Variants in PBX3 observed in about 807,000 individuals in gnomAD.
PBX3 encodes pre-B-cell leukemia transcription factor 3.
PBX3 carries 14 observed loss-of-function variants against 48.5 expected under a neutral mutation model. That is an observed-to-expected ratio of 0.29 (90% CI 0.19 to 0.45). The LOEUF (loss-of-function observed/expected upper bound fraction) is 0.45. Ranked by LOEUF, PBX3 falls within the 20% of genes least tolerant of loss-of-function variation. The pLI is 1.00. For missense variants in PBX3, 386 were observed against 546.7 expected (o/e 0.71, Z 2.93); for synonymous variants, 210 against 200.3 (o/e 1.05, Z -0.41).
chr9:125,965,303 C>T (rs188151503), intron 8 of PBX3, among the ~76,000 whole-genome samples: 2 of 152,280 alleles, frequency 1.3e-5, no homozygotes, highest in Non-Finnish European at 1.5e-5. Context: ...TGCTGCTCTG[C>T]GGCTCATGCA....
chr9:125,883,638 T>C (rs1001271637), intron 2 of PBX3, among the ~76,000 whole-genome samples: 1 of 152,068 alleles, frequency 6.6e-6, no homozygotes, highest in Non-Finnish European at 1.5e-5. Context: ...CCCAGTTGCA[T>C]GGTCATATGT....
chr9:125,748,476 C>G, intron 1 of PBX3, 74 bp from the exon 2 acceptor site: 4 of 1,568,206 alleles, frequency 2.6e-6, no homozygotes, highest in Non-Finnish European at 8.7e-7. Context: ...AATCTTGGGT[C>G]TAACTTAAAG....
chr9:125,954,603 T>C (rs1842262796), intron 5 of PBX3, among the ~76,000 whole-genome samples: 1 of 152,144 alleles, frequency 6.6e-6, no homozygotes. Context: ...TGGCGCAATC[T>C]TGGCTCACTG....
chr9:125,809,885 A>T (rs1838237017), intron 2 of PBX3, among the ~76,000 whole-genome samples: 1 of 152,208 alleles, frequency 6.6e-6, no homozygotes, highest in Admixed American at 6.5e-5. Flanking sequence ...TTGAATGGGA[A>T]AGAAAAGAAA....
intron 2 of PBX3, among the ~76,000 whole-genome samples, chr9:125,773,333 G>A (rs1350830480): frequency 6.6e-6 from 1 of 152,148 alleles, no homozygotes; most frequent in African/African-American, 2.4e-5. Context: ...GTATCTTTCA[G>A]ATCCTAGCCT....
chr9:125,963,142 G>A, intron 8 of PBX3, 41 bp downstream of exon 8: 1 of 1,091,384 alleles, frequency 9.2e-7, no homozygotes, highest in Non-Finnish European at 1.4e-6. Context: ...AACAGTGTCA[G>A]GTAAACAGTG....
chr9:125,946,663 T>C (rs933036351), intron 5 of PBX3, among the ~76,000 whole-genome samples: 5 of 152,068 alleles, frequency 3.3e-5, no homozygotes, highest in Non-Finnish European at 7.4e-5. Context: ...AAAATAATGA[T>C]ATTGAAGAAT....
intron 2 of PBX3, among the ~76,000 whole-genome samples, chr9:125,897,141 G>GT (rs371641194): frequency 0.49 from 53,602 of 108,608 alleles, 14,510 homozygotes; most frequent in Non-Finnish European, 0.6. Flanking sequence ...TTCATTTGTG[G>GT]TTTTTTTTTT....
At chr9:125,859,977 T>C (rs1839820129) in intron 2 of PBX3, among the ~76,000 whole-genome samples, 1 of 152,180 alleles carries the variant, frequency 6.6e-6, no homozygotes, top group East Asian at 1.9e-4. Flanking sequence ...ACTCAAATAA[T>C]TTTCTGTTGG....
intron 2 of PBX3, chr9:125,843,678 A>G: frequency 3.2e-5 from 11 of 348,858 alleles, no homozygotes; most frequent in South Asian, 2.3e-4. Context: ...AACTTTTAAA[A>G]ATAAGTAATG....
chr9:125,837,404 T>A (rs899804430), intron 2 of PBX3, among the ~76,000 whole-genome samples: 1 of 149,588 alleles, frequency 6.7e-6, no homozygotes, highest in African/African-American at 2.4e-5. Flanking sequence ...ATAATTTATT[T>A]TATATATATA....
At chr9:125,950,682 A>G (rs998264533) in intron 5 of PBX3, among the ~76,000 whole-genome samples, 1 of 152,062 alleles carries the variant, frequency 6.6e-6, no homozygotes, top group African/African-American at 2.4e-5. Flanking sequence ...GGGTTTCACC[A>G]TGTTGGCCAG....
rs530492135 is a variant in PBX3 at position 125,880,722 on chromosome 9, A to G, written c.275-34964A>G. On this transcript the variant is annotated intron_variant, in intron 2 of 8. Coordinates refer to ENST00000373489, the MANE Select transcript of PBX3 (RefSeq NM_006195.6). Reference sequence around the variant, plus strand: ...TTTGTGGTAATCATTTAAAAATCAAACGGTTATCTTTTAGAAAAAATTTTA... The same window carrying G: ...TTTGTGGTAATCATTTAAAAATCAAGCGGTTATCTTTTAGAAAAAATTTTA... 5.3e-5 allele frequency among the ~76,000 whole-genome samples: 8 copies of G among 152,292 alleles called. No individual in the cohort carries two copies. The East Asian group carries it at 1.5e-3, about 29-fold the overall frequency.
In PBX3 at chr9:125,929,742, A is replaced by G. The variant is rs1364028655; in HGVS notation, c.604A>G (p.Met202Val). The change falls in exon 4 of 9, where the codon ATG becomes GTG. Residue 202 changes from methionine to valine, a missense_variant. By Grantham distance (21) the Met-to-Val change is conservative (BLOSUM62 1). Transcript: ENST00000373489. ...RPISPKEIERMVGIIHRKFSS... is the reference protein window; with the variant it reads ...RPISPKEIERVVGIIHRKFSS... ...CATTTCTCCAAAAGAGATTGAAAGA[A>G]TGGTGGGCATCATCCATCGAAAATT... 1.9e-6 allele frequency: 3 copies of G among 1,613,758 alleles called. No individual in the cohort carries two copies. The highest frequency in any genetic ancestry group is 2.5e-6 in the Non-Finnish European group (3 of 1,179,806).
rs1839444793 is a variant in PBX3, at chr9:125,847,088, T to C, written c.275-68598T>C. Among the ~76,000 whole-genome samples the C allele has an allele frequency of 2.0e-5, 3 of 152,014 alleles. No homozygotes were observed. In the South Asian group the frequency reaches 6.2e-4, roughly 31 times the overall value. On this transcript the variant is annotated intron_variant, in intron 2 of 8. Coordinates refer to ENST00000373489, the MANE Select transcript of PBX3 (RefSeq NM_006195.6). ...GTAAAATTCAGGTTTAATTATTTAT[T>C]TTCCTGGAAGAATTGCTTCATAGGT... is the stretch of plus-strand genomic sequence containing the variant.
rs76622959 is a variant in PBX3 at position 125,916,924 on chromosome 9, T to A, written c.516+997T>A. On this transcript the variant is annotated intron_variant, in intron 3 of 8. Transcript: ENST00000373489. ...GATTGAACCCTATGAAATTGCTAAGTTTTGAGGCCAAAAACAGTTGAATAT... is the reference window on the plus strand; with the variant it reads ...GATTGAACCCTATGAAATTGCTAAGATTTGAGGCCAAAAACAGTTGAATAT... 7.1e-3 allele frequency among the ~76,000 whole-genome samples: 1,075 copies of A among 152,252 alleles called. 11 individuals carry two copies. The highest frequency in any genetic ancestry group is 0.025 in the African/African-American group (1,035 of 41,522).
At chr9:125,897,773 C>T (rs1422415043) in intron 2 of PBX3, among the ~76,000 whole-genome samples, 1 of 151,856 alleles carries the variant, frequency 6.6e-6, no homozygotes, top group Non-Finnish European at 1.5e-5. Flanking sequence ...CTGTATTAGA[C>T]ATGGCCAGAA....
chr9:125,915,313 TTTTC>T (rs1359269649), intron 2 of PBX3, among the ~76,000 whole-genome samples: 1 of 152,158 alleles, frequency 6.6e-6, no homozygotes, highest in South Asian at 2.1e-4. Context: ...CCTGTAATTA[TTTTC>T]TTTCTTTCTT....
intron 2 of PBX3, among the ~76,000 whole-genome samples, chr9:125,903,730 A>G (rs1022193266): frequency 3.3e-5 from 5 of 151,860 alleles, no homozygotes; most frequent in African/African-American, 1.2e-4. Flanking sequence ...ATGACCCAAA[A>G]CCAACTCTTG....
Sources: gnomAD v4.1 joint callset for allele counts (sites outside exome capture counted in the v4.1 genomes callset) on GRCh38, gnomAD v4.1.1 for gene constraint, MANE v1.5 for transcripts, NCBI Gene and HGNC (gene_info 2026-07-23, HGNC 2026-07-21) for gene names.